The following GNG2 variants were observed in gnomAD, a reference collection of about 807,000 sequenced individuals.
GNG2 encodes the protein G protein subunit gamma 2.
GNG2 carries 5 observed loss-of-function variants against 5.5 expected under a neutral mutation model. The observed-to-expected ratio is 0.91, with a 90% CI of 0.48 to 1.92. The LOEUF (loss-of-function observed/expected upper bound fraction) is 1.92, where lower values mean the gene tolerates loss of function less well. Among genes scored for constraint, GNG2 ranks in the 30% most tolerant of loss-of-function variants. The pLI, the probability that GNG2 is intolerant of heterozygous loss-of-function variation, is 0.01. For synonymous variants in GNG2, 28 were observed against 32.0 expected (o/e 0.88, Z 0.42); for missense variants, 55 against 88.4 (o/e 0.62, Z 1.52).
intron 2 of GNG2, among the ~76,000 whole-genome samples, chr14:51,887,853 C>T (rs936413998): frequency 6.6e-6 from 1 of 152,150 alleles, no homozygotes; most frequent in African/African-American, 2.4e-5. Flanking sequence ...AGTAGTCATG[C>T]AAATACCTTT....
intron 2 of GNG2, among the ~76,000 whole-genome samples, chr14:51,942,940 A>G (rs1200670375): frequency 1.3e-5 from 2 of 152,046 alleles, no homozygotes; most frequent in Non-Finnish European, 2.9e-5. Context: ...GCACTATCCA[A>G]CCTTTGATCA....
chr14:51,952,424 G>A (rs1229820306), intron 3 of GNG2, among the ~76,000 whole-genome samples: 1 of 152,126 alleles, frequency 6.6e-6, no homozygotes, highest in Admixed American at 6.5e-5. Context: ...AAAGCAACAG[G>A]TGGGCACAAT....
chr14:51,846,281 A>T (rs1881623817), intron 2 of GNG2, among the ~76,000 whole-genome samples: 1 of 152,132 alleles, frequency 6.6e-6, no homozygotes, highest in Admixed American at 6.6e-5. Context: ...TTTACATACA[A>T]TTTTTTTCAC....
chr14:51,859,951 G>A (rs182809908), upstream of GNG2, among the ~76,000 whole-genome samples: 255 of 152,282 alleles, frequency 1.7e-3, 1 homozygote, highest in African/African-American at 6.0e-3. Context: ...TGCCAACTTG[G>A]TTTAGTTCCC....
At chr14:51,858,229 C>T (rs906983021), upstream of GNG2, among the ~76,000 whole-genome samples, 3 of 152,046 alleles carry the variant, frequency 2.0e-5, no homozygotes, top group Non-Finnish European at 4.4e-5. Flanking sequence ...CCAAGCTATA[C>T]CCCCACACTT....
intron 2 of GNG2, among the ~76,000 whole-genome samples, chr14:51,935,056 G>C (rs183414754): frequency 2.8e-4 from 37 of 132,216 alleles, no homozygotes; most frequent in African/African-American, 1.0e-3. Flanking sequence ...ACGGAGTCTC[G>C]CTCTGTTGCC....
chr14:51,899,565 C>T (rs1211502362), intron 2 of GNG2, among the ~76,000 whole-genome samples: 2 of 152,112 alleles, frequency 1.3e-5, no homozygotes, highest in Non-Finnish European at 2.9e-5. Context: ...CAGAGCTCTT[C>T]GTCTGGCAAC....
At chr14:51,826,212 C>G (rs891793849) in exon 1 of GNG2, 5 of 152,158 alleles carry the variant, frequency 3.3e-5, no homozygotes, top group Non-Finnish European at 7.3e-5. Context: ...GCAGAGCCAG[C>G]AAGAGCGGAT....
At chr14:51,848,876 CCTCA>C (rs1387638024) in intron 2 of GNG2, among the ~76,000 whole-genome samples, 1 of 152,136 alleles carries the variant, frequency 6.6e-6, no homozygotes, top group Non-Finnish European at 1.5e-5. Flanking sequence ...GACACACTGA[CCTCA>C]CTTTCTACCC....
chr14:51,925,420 T>G (rs934349185), intron 2 of GNG2, among the ~76,000 whole-genome samples: 1 of 152,230 alleles, frequency 6.6e-6, no homozygotes, highest in African/African-American at 2.4e-5. Context: ...ACAATAGACC[T>G]GAATAGATTC....
At chr14:51,897,954 A>G (rs931549060) in intron 2 of GNG2, among the ~76,000 whole-genome samples, 2 of 152,224 alleles carry the variant, frequency 1.3e-5, no homozygotes, top group African/African-American at 2.4e-5. Context: ...AAGGGGCTCT[A>G]TCAGCAGAGA....
intron 2 of GNG2, among the ~76,000 whole-genome samples, chr14:51,842,947 G>T (rs1269933887): frequency 6.6e-6 from 1 of 152,146 alleles, no homozygotes; most frequent in African/African-American, 2.4e-5. Context: ...TTACAGGCGT[G>T]AGCCACCACG....
chr14:51,966,809 C>T lies in GNG2; in HGVS notation c.*122C>T, dbSNP rs1310158623. The T allele has an allele frequency of 1.2e-6, 1 of 813,424 alleles. No homozygotes were observed. The highest frequency in any genetic ancestry group is 2.0e-6 in the Non-Finnish European group (1 of 494,600). 50.4% of individuals were successfully genotyped at this position (813,424 alleles called of 1,614,324 possible). Reference sequence around the variant, plus strand: ...AGAGCGAGGAGAACCATTCTGGAAACTCTAGGCTATGCATGTTTAAAGATC... The same window carrying T: ...AGAGCGAGGAGAACCATTCTGGAAATTCTAGGCTATGCATGTTTAAAGATC... On this transcript the variant is annotated 3_prime_UTR_variant, in exon 4 of 4. Transcript: ENST00000556766.
intron 2 of GNG2, among the ~76,000 whole-genome samples, chr14:51,880,017 C>A (rs1231266147): frequency 6.6e-6 from 1 of 152,176 alleles, no homozygotes; most frequent in East Asian, 1.9e-4. Context: ...AGGTTTCCAA[C>A]TTTGATGAAG....
At chr14:51,926,002 T>TTTGTGTTTAATTTGTTTTC (rs1887293952) in intron 2 of GNG2, among the ~76,000 whole-genome samples, 2 of 152,200 alleles carry the variant, frequency 1.3e-5, no homozygotes, top group African/African-American at 4.8e-5. Context: ...ATCAGTTGTT[T>TTTGTGTTTAATTTGTTTTC]TTGTGTTTAA....
At chr14:51,865,300 G>C (rs1882800697) in intron 1 of GNG2, among the ~76,000 whole-genome samples, 1 of 152,032 alleles carries the variant, frequency 6.6e-6, no homozygotes, top group Non-Finnish European at 1.5e-5. Flanking sequence ...GAGTTGCAGA[G>C]CTGTGTCGAG....
chr14:51,932,373 C>G (rs906787167), intron 2 of GNG2, among the ~76,000 whole-genome samples: 1 of 151,648 alleles, frequency 6.6e-6, no homozygotes, highest in Non-Finnish European at 1.5e-5. Flanking sequence ...AGACATTACG[C>G]TAAGTGAAAT....
chr14:51,954,398 C>T (rs1889161229), intron 3 of GNG2, among the ~76,000 whole-genome samples: 1 of 152,130 alleles, frequency 6.6e-6, no homozygotes, highest in Non-Finnish European at 1.5e-5. Flanking sequence ...CTCACACTAA[C>T]ACTGACCAAA....
At chr14:51,955,345 A>T (rs1889217109) in intron 3 of GNG2, among the ~76,000 whole-genome samples, 1 of 152,146 alleles carries the variant, frequency 6.6e-6, no homozygotes, top group African/African-American at 2.4e-5. Flanking sequence ...TTTAGGGGTC[A>T]GCTCAAGTTC....
Sources: gnomAD v4.1 joint callset for allele counts (sites outside exome capture counted in the v4.1 genomes callset) on GRCh38, gnomAD v4.1.1 for gene constraint, MANE v1.5 for transcripts, NCBI Gene and HGNC (gene_info 2026-07-23, HGNC 2026-07-21) for gene names.